Variants in NCOA1 observed in about 807,000 individuals in gnomAD.
NCOA1 encodes Hin-2 protein.
NCOA1 carries 35 observed loss-of-function variants against 150.9 expected under a neutral mutation model. That is an observed-to-expected ratio of 0.23 (90% CI 0.18 to 0.31). The LOEUF (loss-of-function observed/expected upper bound fraction) is 0.31. Among genes scored for constraint, NCOA1 ranks in the 10% least tolerant of loss-of-function variants. The pLI, the probability that NCOA1 is intolerant of heterozygous loss-of-function variation, is 1.00. For missense variants in NCOA1, 1,491 were observed against 1,749.3 expected, an observed-to-expected ratio of 0.85 and a Z score of 2.63; for synonymous variants, 590 against 630.0, an observed-to-expected ratio of 0.94 and a Z score of 0.95.
At chr2:24,586,810 C>G (rs1303015768) in intron 3 of NCOA1, among the ~76,000 whole-genome samples, 1 of 152,178 alleles carries the variant, frequency 6.6e-6, no homozygotes, top group Non-Finnish European at 1.5e-5. Flanking sequence ...AATTAGATCT[C>G]TGTCCTCTCA....
At position 24,681,524 on chromosome 2, in the gene NCOA1, C is replaced by T. The variant is rs565016360; in HGVS notation, c.355-1427C>T. Among the ~76,000 whole-genome samples, 4 of 152,286 alleles carry T rather than the reference C, an allele frequency of 2.6e-5. No homozygotes were observed. The South Asian group carries it at 8.3e-4, about 32-fold the overall frequency. The stretch of plus-strand genomic sequence containing the variant: ...TTCAGTATCACGTCATTTTCAGGAA[C>T]AAAATTGTAACAGTGGTAACACTTC... On this transcript the variant is annotated intron_variant, in intron 7 of 22. Transcript: ENST00000348332.
intron 1 of NCOA1, among the ~76,000 whole-genome samples, chr2:24,534,332 T>C (rs1405746564): frequency 6.6e-6 from 1 of 152,200 alleles, no homozygotes; most frequent in Admixed American, 6.5e-5. Context: ...GATTCTTCTC[T>C]CTTTTCTTCT....
chr2:24,500,674 A>G (rs573616688), intron 1 of NCOA1, among the ~76,000 whole-genome samples: 3 of 152,348 alleles, frequency 2.0e-5, no homozygotes, highest in South Asian at 2.1e-4. Context: ...TAACTTAAAG[A>G]TGACTTACTC....
At chr2:24,731,076 C>G (rs1011972120) in intron 17 of NCOA1, among the ~76,000 whole-genome samples, 8 of 149,950 alleles carry the variant, frequency 5.3e-5, no homozygotes, top group African/African-American at 1.2e-4. Context: ...GGAAGGGGGA[C>G]CTGAGCTGTA....
intron 1 of NCOA1, among the ~76,000 whole-genome samples, chr2:24,525,553 T>G (rs1327326359): frequency 6.9e-6 from 1 of 145,234 alleles, no homozygotes; most frequent in Non-Finnish European, 1.5e-5. Flanking sequence ...AGAAAGTTCT[T>G]TTTTTTTTTT....
intron 13 of NCOA1, among the ~76,000 whole-genome samples, chr2:24,709,322 A>C (rs998971989): frequency 1.3e-5 from 2 of 152,132 alleles, no homozygotes; most frequent in African/African-American, 4.8e-5. Context: ...CAGTTTTCCT[A>C]GTGTATCAGT....
At chr2:24,693,796 C>T (rs1672776507) in intron 10 of NCOA1, among the ~76,000 whole-genome samples, 1 of 151,068 alleles carries the variant, frequency 6.6e-6, no homozygotes, top group Admixed American at 6.6e-5. Context: ...CTAGAAGTGC[C>T]TGTCATTAGG....
chr2:24,516,998 A>ACGTATATATATACACACG (rs1553422203), intron 1 of NCOA1, among the ~76,000 whole-genome samples: 1 of 62,652 alleles, frequency 1.6e-5, no homozygotes, highest in African/African-American at 4.0e-5. Context: ...ATATATACAC[A>ACGTATATATATACACACG]CGCGCGCACA....
At chr2:24,564,111 C>T (rs1666398765) in intron 1 of NCOA1, among the ~76,000 whole-genome samples, 184 bp from the exon 2 acceptor site, 1 of 152,094 alleles carries the variant, frequency 6.6e-6, no homozygotes, top group Non-Finnish European at 1.5e-5. Flanking sequence ...TCTATTATAC[C>T]TTTAATATTT....
intron 9 of NCOA1, among the ~76,000 whole-genome samples, chr2:24,692,510 A>G (rs1672711411): frequency 6.6e-6 from 1 of 152,180 alleles, no homozygotes; most frequent in African/African-American, 2.4e-5. Context: ...CTTCAGAGTT[A>G]AAGGTTGTTT....
intron 3 of NCOA1, among the ~76,000 whole-genome samples, chr2:24,600,062 T>C (rs1426134572): frequency 1.3e-5 from 2 of 152,190 alleles, no homozygotes; most frequent in Admixed American, 1.3e-4. Context: ...AGTCCTATTA[T>C]ATAAATCAGA....
At chr2:24,574,134 TG>T (rs1666855504) in intron 2 of NCOA1, among the ~76,000 whole-genome samples, 1 of 152,006 alleles carries the variant, frequency 6.6e-6, no homozygotes, top group Admixed American at 6.5e-5. Context: ...AAGGAAAAGA[TG>T]GAAAACCAAA....
intron 2 of NCOA1, among the ~76,000 whole-genome samples, chr2:24,580,654 G>A (rs1312756694): frequency 6.6e-6 from 1 of 151,910 alleles, no homozygotes; most frequent in African/African-American, 2.4e-5. Context: ...TTTATATCTT[G>A]CTTTGTTTTT....
chr2:24,572,416 A>G (rs139826266), intron 2 of NCOA1, among the ~76,000 whole-genome samples: 141 of 152,302 alleles, frequency 9.3e-4, no homozygotes, highest in African/African-American at 3.3e-3. Flanking sequence ...ACCTGTCCCA[A>G]CTTCTTGAGT....
chr2:24,717,248 C>T (rs1295095126), intron 14 of NCOA1, among the ~76,000 whole-genome samples: 2 of 152,186 alleles, frequency 1.3e-5, no homozygotes, highest in African/African-American at 2.4e-5. Context: ...AATCACACTC[C>T]TTGATATTTA....
chr2:24,737,800 G>C (rs983753630), intron 17 of NCOA1, among the ~76,000 whole-genome samples: 5 of 152,146 alleles, frequency 3.3e-5, no homozygotes, highest in African/African-American at 1.2e-4. Context: ...CCACTCAATA[G>C]GGAACGGAAC....
At chr2:24,652,780 T>C (rs184943850) in intron 4 of NCOA1, among the ~76,000 whole-genome samples, 4 of 152,268 alleles carry the variant, frequency 2.6e-5, no homozygotes, top group East Asian at 3.9e-4. Context: ...AGGGTACTTT[T>C]ACTTAGAAAC....
At chr2:24,593,518 C>A (rs952587328) in intron 3 of NCOA1, among the ~76,000 whole-genome samples, 5 of 152,062 alleles carry the variant, frequency 3.3e-5, no homozygotes, top group African/African-American at 1.2e-4. Context: ...TTACACATTT[C>A]TTTGTCCTTC....
At chr2:24,589,615 A>T (rs371280428) in intron 3 of NCOA1, among the ~76,000 whole-genome samples, 1 of 147,534 alleles carries the variant, frequency 6.8e-6, no homozygotes, top group African/African-American at 2.5e-5. Context: ...GCATAGGGAG[A>T]GGAAAGAGGT....
Sources: gnomAD v4.1 joint callset for allele counts (sites outside exome capture counted in the v4.1 genomes callset) on GRCh38, gnomAD v4.1.1 for gene constraint, MANE v1.5 for transcripts, NCBI Gene and HGNC (gene_info 2026-07-23, HGNC 2026-07-21) for gene names.